The following PAM variants were observed in gnomAD, a reference collection of about 807,000 sequenced individuals.
PAM encodes the protein peptidyl-glycine alpha-amidating monooxygenase.
PAM carries 72 observed loss-of-function variants against 122.1 expected under a neutral mutation model. That is an observed-to-expected ratio of 0.59 (90% CI 0.49 to 0.72). PAM has a LOEUF of 0.72. Ranked by LOEUF, PAM falls within the 30% of genes least tolerant of loss-of-function variation. The probability of loss-of-function intolerance (pLI) is 0.00; values close to 1 mark genes in which losing one functional copy is unlikely to be tolerated. For missense variants in PAM, 1,106 were observed against 1,183.7 expected (o/e 0.93, Z 0.96); for synonymous variants, 389 against 404.4 (o/e 0.96, Z 0.46).
chr5:102,795,897 A>G (rs1222166317), intron 1 of PAM, among the ~76,000 whole-genome samples: 1 of 152,230 alleles, frequency 6.6e-6, no homozygotes, highest in Admixed American at 6.5e-5. Flanking sequence ...AATGTTTTAC[A>G]ATTTCCATTT....
At chr5:102,890,408 C>T (rs1044130877) in intron 3 of PAM, among the ~76,000 whole-genome samples, 8 of 151,802 alleles carry the variant, frequency 5.3e-5, no homozygotes, top group African/African-American at 1.2e-4. Flanking sequence ...TTAGAAGTTA[C>T]GTATGATAAG....
intron 1 of PAM, among the ~76,000 whole-genome samples, chr5:102,816,857 A>T (rs530767411): frequency 6.6e-6 from 1 of 152,062 alleles, no homozygotes; most frequent in African/African-American, 2.4e-5. Context: ...TTAAATTCAT[A>T]TTGCTGATTT....
At chr5:102,914,443 C>A (rs1802503726) in intron 5 of PAM, among the ~76,000 whole-genome samples, 1 of 151,914 alleles carries the variant, frequency 6.6e-6, no homozygotes, top group African/African-American at 2.4e-5. Context: ...AAAACAGATT[C>A]AATATATGTA....
chr5:102,987,832 A>G (rs937088989), intron 15 of PAM, among the ~76,000 whole-genome samples: 1 of 152,178 alleles, frequency 6.6e-6, no homozygotes, highest in Admixed American at 6.5e-5. Context: ...CAGGCATACC[A>G]GCTGTCATTC....
chr5:102,935,142 C>T (rs895563894), intron 7 of PAM, among the ~76,000 whole-genome samples: 13 of 152,120 alleles, frequency 8.5e-5, no homozygotes, highest in Non-Finnish European at 1.8e-4. Context: ...TCATACCTCC[C>T]TTTCTCACCT....
chr5:102,805,656 G>A (rs925077411), intron 1 of PAM, among the ~76,000 whole-genome samples: 1 of 152,032 alleles, frequency 6.6e-6, no homozygotes, highest in South Asian at 2.1e-4. Context: ...CAAAGGAAGA[G>A]GTAATTTTGT....
intron 1 of PAM, among the ~76,000 whole-genome samples, chr5:102,822,052 G>T (rs1234512280): frequency 6.6e-6 from 1 of 152,144 alleles, no homozygotes; most frequent in Admixed American, 6.5e-5. Flanking sequence ...GATGGTAGTT[G>T]TAGTGGTGAT....
In PAM at chr5:102,883,397, G is replaced by A. The variant is rs1354111666; in HGVS notation, c.210+16004G>A. Among the ~76,000 whole-genome samples, 4 of 151,972 alleles carry A rather than the reference G, an allele frequency of 2.6e-5. No individual in the cohort carries two copies. The East Asian group carries it at 7.7e-4, about 29-fold the overall frequency. On this transcript the variant is annotated intron_variant, in intron 3 of 25. Transcript: ENST00000438793. ...GTCACCTATGATTTCTTTCAGCAGT[G>A]TTTTGTAGTTTTACTTGTAGAGGTC...
intron 7 of PAM, among the ~76,000 whole-genome samples, chr5:102,936,228 A>G (rs1176416538): frequency 6.6e-6 from 1 of 152,080 alleles, no homozygotes; most frequent in African/African-American, 2.4e-5. Context: ...TTTACATTGA[A>G]ATCAGCTATG....
chr5:102,850,351 C>T (rs1358637508), intron 1 of PAM, among the ~76,000 whole-genome samples: 1 of 152,234 alleles, frequency 6.6e-6, no homozygotes, highest in Admixed American at 6.5e-5. Context: ...CTGATATAAA[C>T]TTCTTCATAA....
At chr5:102,797,050 C>T (rs1317690157) in intron 1 of PAM, among the ~76,000 whole-genome samples, 1 of 152,184 alleles carries the variant, frequency 6.6e-6, no homozygotes, top group African/African-American at 2.4e-5. Flanking sequence ...TGCAACAGCA[C>T]AAGGGCTGGT....
At chr5:102,860,934 G>T (rs963093465) in intron 1 of PAM, among the ~76,000 whole-genome samples, 3 of 152,080 alleles carry the variant, frequency 2.0e-5, no homozygotes, top group East Asian at 3.9e-4. Flanking sequence ...TCCTTCAGTG[G>T]GTGGGGCTGA....
intron 16 of PAM, among the ~76,000 whole-genome samples, chr5:102,995,404 T>C (rs1194016686): frequency 6.6e-6 from 1 of 152,162 alleles, no homozygotes; most frequent in Non-Finnish European, 1.5e-5. Context: ...ACATTGAATT[T>C]GATAACTGGT....
intron 4 of PAM, among the ~76,000 whole-genome samples, chr5:102,913,432 A>G (rs1802056778): frequency 6.6e-6 from 1 of 151,838 alleles, no homozygotes; most frequent in Admixed American, 6.6e-5. Context: ...TTCCTGGTAA[A>G]TTGCTTCTTC....
At chr5:102,787,447 A>T in intron 1 of PAM, among the ~76,000 whole-genome samples, 1 of 151,928 alleles carries the variant, frequency 6.6e-6, no homozygotes. Context: ...AACTGTGGGG[A>T]CAAAACTGCC....
intron 1 of PAM, among the ~76,000 whole-genome samples, chr5:102,845,794 T>C (rs1306170745): frequency 6.6e-6 from 1 of 152,238 alleles, no homozygotes; most frequent in African/African-American, 2.4e-5. Flanking sequence ...TTTTCTGAAG[T>C]AACTAAAACT....
chr5:102,840,810 C>G (rs922028618), intron 1 of PAM, among the ~76,000 whole-genome samples: 10 of 152,100 alleles, frequency 6.6e-5, no homozygotes, highest in Non-Finnish European at 4.4e-5. Flanking sequence ...GCACACAAAA[C>G]TTTAAAACTT....
chr5:102,777,598 C>T (rs776653870), intron 1 of PAM, among the ~76,000 whole-genome samples: 5 of 152,056 alleles, frequency 3.3e-5, no homozygotes, highest in South Asian at 2.1e-4. Flanking sequence ...TTAGCCCAAA[C>T]GAGGCCCTTT....
At chr5:102,768,734 G>A (rs576957470) in intron 1 of PAM, among the ~76,000 whole-genome samples, 11 of 152,242 alleles carry the variant, frequency 7.2e-5, no homozygotes, top group Admixed American at 2.0e-4. Flanking sequence ...TCTGTCCATT[G>A]ATCTGTTGAT....
Sources: gnomAD v4.1 joint callset for allele counts (sites outside exome capture counted in the v4.1 genomes callset) on GRCh38, gnomAD v4.1.1 for gene constraint, MANE v1.5 for transcripts, NCBI Gene and HGNC (gene_info 2026-07-23, HGNC 2026-07-21) for gene names.